The following PFKFB3 variants were observed in gnomAD, a reference collection of about 807,000 sequenced individuals.
The protein encoded by PFKFB3 is 6-phosphofructo-2-kinase/fructose-2,6-bisphosphatase 3.
A neutral mutation model predicts 68.0 loss-of-function variants in PFKFB3; 33 were observed. The ratio of observed to expected loss-of-function variants is 0.49; its 90% CI spans 0.37 to 0.65. The LOEUF is 0.65. PFKFB3 is among the 30% of genes least tolerant of loss of function. The pLI is 0.00. For synonymous variants in PFKFB3, 315 were observed against 288.2 expected, an observed-to-expected ratio of 1.09 and a Z score of -0.94; for missense variants, 586 against 712.2, an observed-to-expected ratio of 0.82 and a Z score of 2.02.
In PFKFB3 at chr10:6,203,254, C is replaced by A. The variant is rs1261860767; in HGVS notation, c.-7C>A. 6.2e-7 allele frequency: 1 copy of A among 1,608,112 alleles called. No homozygotes were observed. Among genetic ancestry groups the A allele is most frequent in the Non-Finnish European group, 8.5e-7 (1 of 1,177,852 alleles). On this transcript the variant is annotated 5_prime_UTR_variant, in exon 1 of 15. Transcript: ENST00000379775. ...CGGGAGGCGGGCCGTCGGGCGCAGC[C>A]GCGAAGATGCCGTTGGAACTGACGC... is the stretch of plus-strand genomic sequence containing the variant.
the PFKFB3 span, chr10:6,293,229 C>T: frequency 8.7e-6 from 4 of 462,398 alleles, no homozygotes; most frequent in South Asian, 6.8e-5. Context: ...AGTATGTCTG[C>T]AATTTGAGAG....
chr10:6,179,046 A>G (rs928294551), intron 1 of PFKFB3, among the ~76,000 whole-genome samples: 7 of 152,218 alleles, frequency 4.6e-5, no homozygotes, highest in Admixed American at 3.3e-4. Flanking sequence ...ATGAAAGGCA[A>G]TGTGTTCAAA....
intron 1 of PFKFB3, among the ~76,000 whole-genome samples, chr10:6,196,297 AT>A (rs1843174617): frequency 6.6e-6 from 1 of 151,988 alleles, no homozygotes. Flanking sequence ...CACCCGGCTA[AT>A]TTTTTGTATT....
intron 1 of PFKFB3, among the ~76,000 whole-genome samples, chr10:6,172,127 C>G (rs1306274106): frequency 6.6e-6 from 1 of 152,258 alleles, no homozygotes; most frequent in Admixed American, 6.5e-5. Flanking sequence ...GAGAAAGCCC[C>G]TGCTGGCTCA....
chr10:6,145,268 C>T (rs1420915436), intron 1 of PFKFB3, among the ~76,000 whole-genome samples: 1 of 151,770 alleles, frequency 6.6e-6, no homozygotes, highest in South Asian at 2.1e-4. Flanking sequence ...CCCCACGCGT[C>T]CCCCTCCGGC....
chr10:6,219,372 C>T, intron 6 of PFKFB3, 197 bp from the exon 7 acceptor site: 1 of 560,310 alleles, frequency 1.8e-6, no homozygotes, highest in Non-Finnish European at 3.2e-6. Flanking sequence ...CTCCATCTCC[C>T]CAGGGAATCC....
upstream of PFKFB3, among the ~76,000 whole-genome samples, chr10:6,201,360 G>T (rs1468710935): frequency 6.6e-6 from 1 of 152,006 alleles, no homozygotes; most frequent in Non-Finnish European, 1.5e-5. The surrounding 1 kb of genome is among the most constrained non-coding windows in gnomAD (Gnocchi z 4.1). Flanking sequence ...GCCAGAGCGC[G>T]GAAACCAGAC....
the PFKFB3 span, among the ~76,000 whole-genome samples, chr10:6,287,714 C>T: frequency 1.3e-5 from 2 of 152,078 alleles, no homozygotes; most frequent in Non-Finnish European, 2.9e-5. Flanking sequence ...CCCTCTTGTC[C>T]GTTATATGAT....
At chr10:6,265,684 G>A in the PFKFB3 span, among the ~76,000 whole-genome samples, 2 of 152,126 alleles carry the variant, frequency 1.3e-5, no homozygotes, top group Non-Finnish European at 2.9e-5. Flanking sequence ...GAGCTAATAA[G>A]CAATCTATGG....
the PFKFB3 span, among the ~76,000 whole-genome samples, chr10:6,278,955 C>T: frequency 1.9e-3 from 289 of 152,264 alleles, 1 homozygote; most frequent in Non-Finnish European, 3.3e-3. Flanking sequence ...ATCTGTAAAA[C>T]GAGATAGGAA....
the PFKFB3 span, among the ~76,000 whole-genome samples, chr10:6,278,466 G>A: frequency 5.9e-5 from 9 of 151,718 alleles, no homozygotes; most frequent in South Asian, 2.1e-4. Context: ...TAGTAGAGAC[G>A]GGGTTTCACC....
At position 6,228,331 on chromosome 10, in the gene PFKFB3, C is replaced by G; in HGVS notation, c.1515+1966C>G. On this transcript the variant is annotated intron_variant, in intron 14 of 14. Coordinates refer to ENST00000379775, the MANE Select transcript of PFKFB3 (RefSeq NM_004566.4). This position sits in a 1 kb window ranked among gnomAD's most constrained non-coding sequence, Gnocchi z 4.5. ...TGAGAGCAGTTTTGTGATGTGAGGT[C>G]TTCCGTGGGGGAAGGAGGAGATGGG... 2 of 1,162,454 alleles carry G rather than the reference C, an allele frequency of 1.7e-6. No homozygotes were observed. The highest frequency in any genetic ancestry group is 1.7e-5 in the Admixed American group (1 of 57,794). 72.0% of individuals were successfully genotyped at this position (1,162,454 alleles called of 1,614,324 possible).
At chr10:6,271,283 G>A in the PFKFB3 span, among the ~76,000 whole-genome samples, 5 of 152,222 alleles carry the variant, frequency 3.3e-5, no homozygotes, top group South Asian at 2.1e-4. Context: ...GACGAGAACC[G>A]AAGAGCGTTA....
At chr10:6,317,303 A>G in the PFKFB3 span, among the ~76,000 whole-genome samples, 1 of 152,152 alleles carries the variant, frequency 6.6e-6, no homozygotes, top group Non-Finnish European at 1.5e-5. Context: ...TTCTCTCTCA[A>G]TTATCCTTCC....
chr10:6,309,817 G>T, the PFKFB3 span, among the ~76,000 whole-genome samples: 74 of 152,052 alleles, frequency 4.9e-4, no homozygotes, highest in Non-Finnish European at 8.1e-4. Flanking sequence ...GCAGAGACCG[G>T]GTGATGGGTA....
At chr10:6,155,347 C>T (rs907601579) in intron 1 of PFKFB3, among the ~76,000 whole-genome samples, 2 of 151,854 alleles carry the variant, frequency 1.3e-5, no homozygotes, top group African/African-American at 2.4e-5. Context: ...AGACCACAGG[C>T]GCCCACCACC....
intron 1 of PFKFB3, among the ~76,000 whole-genome samples, chr10:6,169,628 C>T (rs1004083807): frequency 2.0e-5 from 3 of 152,096 alleles, no homozygotes; most frequent in Admixed American, 6.6e-5. Context: ...AGGAAGAGTG[C>T]GTCCAGTACT....
upstream of PFKFB3, chr10:6,202,872 G>A: frequency 1.9e-6 from 2 of 1,051,544 alleles, no homozygotes; most frequent in Non-Finnish European, 2.3e-6. Flanking sequence ...CCCCGAGGCT[G>A]ACGTACGCGT....
chr10:6,159,325 G>A (rs754076932), intron 1 of PFKFB3, among the ~76,000 whole-genome samples: 1 of 151,974 alleles, frequency 6.6e-6, no homozygotes, highest in Non-Finnish European at 1.5e-5. Context: ...AACAAGGGAG[G>A]TGGAGGTTGC....
Sources: allele counts gnomAD v4.1 joint callset (sites outside exome capture counted in the v4.1 genomes callset), GRCh38; gene constraint gnomAD v4.1.1; non-coding constraint Gnocchi (gnomAD v3.1); transcripts MANE v1.5; gene names NCBI Gene and HGNC (gene_info 2026-07-23, HGNC 2026-07-21).